NUP210L: variants seen among roughly 807,000 people sequenced by gnomAD.
NUP210L encodes the protein nuclear pore membrane glycoprotein 210-like.
In NUP210L, 74 loss-of-function variants were observed where a neutral mutation model predicts 208.5. The observed-to-expected ratio is 0.35, with a 90% CI of 0.29 to 0.43. The LOEUF is 0.43. NUP210L is among the 20% of genes least tolerant of loss of function. The probability of loss-of-function intolerance (pLI) is 1.00; values close to 1 mark genes in which losing one functional copy is unlikely to be tolerated. For synonymous variants in NUP210L, 780 were observed against 816.9 expected (o/e 0.95, Z 0.77); for missense variants, 1,843 against 2,289.4 (o/e 0.81, Z 3.98).
intron 25 of NUP210L, among the ~76,000 whole-genome samples, chr1:154,051,084 A>C (rs1653462539): frequency 6.6e-6 from 1 of 152,226 alleles, no homozygotes; most frequent in Non-Finnish European, 1.5e-5. Flanking sequence ...AATAGCAGTT[A>C]GGAGTAGAAT....
At position 153,994,941 on chromosome 1, in the gene NUP210L, G is replaced by A. The variant is rs1219936281; in HGVS notation, c.5491+135C>T. 492 of 543,510 alleles carry A rather than the reference G, an allele frequency of 9.1e-4. 1 individual carries two copies. The highest frequency in any genetic ancestry group is 1.3e-4 in the Non-Finnish European group (39 of 307,788). The allele number at this position is 543,510 out of a possible 1,614,324, so 33.7% of individuals were successfully genotyped here. On this transcript the variant is annotated intron_variant, in intron 38 of 39. Coordinates refer to ENST00000368559, the Ensembl canonical transcript of NUP210L. ...GCAGGAGAATTGCTTGAACTCGGGC[G>A]GCAGAGGTTGCTGTAAGCCAAGATT...
At chr1:154,126,546 C>T in intron 9 of NUP210L, 83 bp from the exon 10 acceptor site, 1 of 1,198,988 alleles carries the variant, frequency 8.3e-7, no homozygotes. Context: ...ATCTATAAAA[C>T]TGTAGCTATG....
chr1:154,036,643 G>T (rs1652571575), intron 27 of NUP210L, among the ~76,000 whole-genome samples: 1 of 150,466 alleles, frequency 6.6e-6, no homozygotes, highest in Non-Finnish European at 1.5e-5. Flanking sequence ...GGGATTACAG[G>T]CATGAGCTAC....
chr1:154,065,395 TG>T (rs1387447235), intron 17 of NUP210L, among the ~76,000 whole-genome samples: 4 of 152,136 alleles, frequency 2.6e-5, no homozygotes, highest in Admixed American at 1.3e-4. Flanking sequence ...CTCTCCAGCC[TG>T]GGAGACAGAA....
chr1:154,060,748 A>G (rs1654090205), intron 19 of NUP210L, 107 bp from the exon 20 acceptor site: 1 of 834,638 alleles, frequency 1.2e-6, no homozygotes, highest in East Asian at 2.6e-5. Flanking sequence ...AAAAGATTAA[A>G]GTGAATAGAC....
At chr1:154,025,650 C>T in exon 30 of NUP210L, 1 of 1,613,884 alleles carries the variant, frequency 6.2e-7, no homozygotes, top group Non-Finnish European at 8.5e-7. Flanking sequence ...CTTCACCATC[C>T]TCCTCAATGA....
At chr1:154,049,657 T>A (rs940311820) in intron 25 of NUP210L, among the ~76,000 whole-genome samples, 1 of 152,134 alleles carries the variant, frequency 6.6e-6, no homozygotes, top group Non-Finnish European at 1.5e-5. Flanking sequence ...TCTTTGTTAT[T>A]AAGAAAAAAT....
chr1:154,155,027 C>A, exon 1 of NUP210L: 2 of 1,607,860 alleles, frequency 1.2e-6, no homozygotes, highest in South Asian at 2.2e-5. Flanking sequence ...GTCTTGATGA[C>A]GCCGGACAGC....
At chr1:154,014,693 T>C (rs143814634) in intron 33 of NUP210L, among the ~76,000 whole-genome samples, 1 of 152,326 alleles carries the variant, frequency 6.6e-6, no homozygotes, top group East Asian at 1.9e-4. Context: ...TGCACACATA[T>C]TGAGTAACTT....
chr1:154,007,636 G>C (rs868674849), intron 35 of NUP210L, among the ~76,000 whole-genome samples: 4 of 149,610 alleles, frequency 2.7e-5, no homozygotes, highest in Non-Finnish European at 5.9e-5. Flanking sequence ...GCAGTGGCGC[G>C]ATCTCGGCTC....
At chr1:154,144,997 A>G (rs1368591681) in intron 2 of NUP210L, among the ~76,000 whole-genome samples, 1 of 152,008 alleles carries the variant, frequency 6.6e-6, no homozygotes, top group African/African-American at 2.4e-5. Flanking sequence ...AGTCCCAGCA[A>G]CTCAGGAGGC....
At chr1:154,142,153 A>G (rs1054357463) in intron 3 of NUP210L, among the ~76,000 whole-genome samples, 13 of 146,856 alleles carry the variant, frequency 8.9e-5, no homozygotes, top group African/African-American at 3.0e-4. Context: ...TCTGTATCCA[A>G]AAAAAAAAAA....
intron 2 of NUP210L, among the ~76,000 whole-genome samples, chr1:154,146,522 C>T (rs1032553546): frequency 1.6e-4 from 24 of 151,616 alleles, no homozygotes; most frequent in African/African-American, 4.6e-4. Flanking sequence ...GTTCCAGCTA[C>T]GTGGGAGGCT....
chr1:154,108,797 C>T (rs1023770945), intron 12 of NUP210L, among the ~76,000 whole-genome samples: 3 of 151,626 alleles, frequency 2.0e-5, no homozygotes, highest in African/African-American at 7.3e-5. Context: ...GATAGAGTGA[C>T]TGAATAGATT....
intron 16 of NUP210L, among the ~76,000 whole-genome samples, chr1:154,081,673 C>A (rs1557963295): frequency 6.6e-6 from 1 of 152,198 alleles, no homozygotes; most frequent in Non-Finnish European, 1.5e-5. Context: ...ATCATGTTTA[C>A]ATAATAATAT....
chr1:153,995,946 C>T, intron 37 of NUP210L: 2 of 479,168 alleles, frequency 4.2e-6, no homozygotes. Context: ...GGCACAAGCA[C>T]AGTCAGCTAA....
chr1:154,013,760 T>G (rs978447100), intron 33 of NUP210L, among the ~76,000 whole-genome samples: 1 of 151,572 alleles, frequency 6.6e-6, no homozygotes, highest in Non-Finnish European at 1.5e-5. Context: ...GTAAGTTTTT[T>G]TGTTTGTTTG....
At chr1:154,149,148 C>A (rs1410375111) in intron 2 of NUP210L, among the ~76,000 whole-genome samples, 1 of 139,718 alleles carries the variant, frequency 7.2e-6, no homozygotes, top group East Asian at 2.2e-4. Context: ...TGCAATGATG[C>A]CATTTAGGCT....
chr1:154,061,099 C>A (rs969780529), intron 18 of NUP210L, 53 bp from the exon 19 acceptor site: 1 of 1,306,676 alleles, frequency 7.7e-7, no homozygotes, highest in South Asian at 1.2e-5. Context: ...AATTCTTGGC[C>A]GCCCACGGTG....
Sources: allele counts gnomAD v4.1 joint callset (sites outside exome capture counted in the v4.1 genomes callset), GRCh38; gene constraint gnomAD v4.1.1; transcripts MANE v1.5; gene names NCBI Gene and HGNC (gene_info 2026-07-23, HGNC 2026-07-21).